ANKRD27: variants seen among roughly 807,000 people sequenced by gnomAD.
The protein encoded by ANKRD27 is ankyrin repeat domain-containing protein 27.
ANKRD27 carries 112 observed loss-of-function variants against 129.7 expected under a neutral mutation model. The ratio of observed to expected loss-of-function variants is 0.86; its 90% CI spans 0.74 to 1.01. The LOEUF is 1.01. Ranked by LOEUF, ANKRD27 falls within the 50% of genes least tolerant of loss-of-function variation. The pLI, the probability that ANKRD27 is intolerant of heterozygous loss-of-function variation, is 0.00. For missense variants in ANKRD27, 1,258 were observed against 1,300.5 expected, an observed-to-expected ratio of 0.97 and a Z score of 0.50; for synonymous variants, 516 against 511.2, an observed-to-expected ratio of 1.01 and a Z score of -0.13.
chr19:32,639,535 ACTTCTGC>A lies in ANKRD27; in HGVS notation c.984-54_984-48del, dbSNP rs1443000602. On this transcript the variant is annotated intron_variant, in intron 11 of 28. Coordinates refer to ENST00000306065, the MANE Select transcript of ANKRD27 (RefSeq NM_032139.3). Reference sequence around the variant, plus strand: ...TTATGTTGTTGTCTATCCAAGTCACACTTCTGCAAAAAAAATATCATTGGCTTGGGCA... The same window carrying A: ...TTATGTTGTTGTCTATCCAAGTCACAAAAAAAAATATCATTGGCTTGGGCA... 5.1e-6 allele frequency: 8 copies of A among 1,583,838 alleles called. No homozygotes were observed. The Admixed American group carries it at 8.9e-5, about 18-fold the overall frequency.
intron 1 of ANKRD27, among the ~76,000 whole-genome samples, chr19:32,666,890 G>A (rs1023011087): frequency 1.1e-4 from 17 of 151,808 alleles, no homozygotes; most frequent in African/African-American, 4.1e-4. Context: ...CAAGTGATCC[G>A]CCCACCTCGG....
intron 1 of ANKRD27, among the ~76,000 whole-genome samples, chr19:32,669,019 C>T (rs1967815506): frequency 2.6e-5 from 4 of 152,026 alleles, no homozygotes; most frequent in South Asian, 2.1e-4. Flanking sequence ...GCTATGTGGC[C>T]CAGGCTGGTC....
At chr19:32,610,386 G>A (rs1230678561) in intron 22 of ANKRD27, among the ~76,000 whole-genome samples, 1 of 151,796 alleles carries the variant, frequency 6.6e-6, no homozygotes, top group Non-Finnish European at 1.5e-5. Flanking sequence ...TTGGGAGGCT[G>A]AGGCAAAAGG....
chr19:32,626,053 G>A, intron 16 of ANKRD27, 87 bp from the exon 17 acceptor site: 1 of 1,005,050 alleles, frequency 9.9e-7, no homozygotes. Context: ...GAGGTCATTT[G>A]CTCCCATCTT....
chr19:32,647,528 C>T (rs1057344631), intron 3 of ANKRD27, among the ~76,000 whole-genome samples: 7 of 152,208 alleles, frequency 4.6e-5, no homozygotes, highest in Admixed American at 3.9e-4. Flanking sequence ...CAGGGAAGCC[C>T]GGCCACAGTG....
Position 32,639,359 on chromosome 19 carries a change from G to A in ANKRD27, c.1113C>T (p.Pro371=), listed in dbSNP as rs1196777772. 3.1e-6 allele frequency: 5 copies of A among 1,614,180 alleles called. No individual in the cohort carries two copies. Among genetic ancestry groups the A allele is most frequent in the Non-Finnish European group, 4.2e-6 (5 of 1,180,024 alleles). The change falls in exon 12 of 29, where the codon CCC becomes CCT. Residue 371 remains proline, a synonymous_variant. Coordinates refer to ENST00000306065, the MANE Select transcript of ANKRD27 (RefSeq NM_032139.3). ...YIRQGSLSAK[P]PESEGFGDRL... is the part of the protein sequence containing the mutation. Reference sequence around the variant, plus strand: ...CAGGGCAGGGGTGAGATCTTACAGGGGGTTTAGCAGAGAGGCTTCCTTGCC... The same window carrying A: ...CAGGGCAGGGGTGAGATCTTACAGGAGGTTTAGCAGAGAGGCTTCCTTGCC...
intron 1 of ANKRD27, among the ~76,000 whole-genome samples, chr19:32,660,859 T>C (rs259255): frequency 0.078 from 11,913 of 152,238 alleles, 517 homozygotes; most frequent in Middle Eastern, 0.16. Context: ...CGCTGGGTTG[T>C]TGGCCTTTTT....
intron 26 of ANKRD27, among the ~76,000 whole-genome samples, chr19:32,601,654 C>T (rs1274151958): frequency 5.9e-5 from 9 of 151,692 alleles, no homozygotes; most frequent in Non-Finnish European, 1.2e-4. Flanking sequence ...TAGCATTTAC[C>T]CTGGATGTCC....
At chr19:32,608,842 C>T (rs1202315578) in intron 22 of ANKRD27, among the ~76,000 whole-genome samples, 5 of 152,100 alleles carry the variant, frequency 3.3e-5, no homozygotes, top group African/African-American at 1.2e-4. Flanking sequence ...ATCCCAGCTA[C>T]ATTACAGGCA....
chr19:32,607,835 G>T lies in ANKRD27; in HGVS notation c.2176-3C>A. On this transcript the variant is annotated splice_polypyrimidine_tract_variant and splice_region_variant and intron_variant, in intron 22 of 28. Transcript: ENST00000306065. ...CTGGCAGGAACCTTCGCCAGCCTCT[G>T]GGAAGCGCAGAAGATGGAAACACAA... 6.2e-7 allele frequency: 1 copy of T among 1,601,158 alleles called. No individual in the cohort carries two copies. The highest frequency in any genetic ancestry group is 2.3e-5 in the East Asian group (1 of 44,234).
chr19:32,649,791 A>C lies in ANKRD27; in HGVS notation c.104T>G (p.Val35Gly). The change falls in exon 3 of 29, where the codon GTC becomes GGC. Residue 35 changes from valine (V) to glycine (G), a missense_variant and splice_region_variant. Physicochemically the swap from Val to Gly is moderately radical, Grantham distance 109. Transcript: ENST00000306065. ...CAGGCTTCCTTTGCAGGGTACTAAG[A>C]CCTGGAAAAAACAATTCGGGGCAAC... The part of the protein sequence containing the change: ...CSKVAQIHGI[V>G]LVPCKGSLSS... 1.2e-6 allele frequency: 2 copies of C among 1,608,960 alleles called. No homozygotes were observed. The highest frequency in any genetic ancestry group is 4.5e-5 in the East Asian group (2 of 44,852).
chr19:32,605,069 GA>G (rs1343436779), intron 24 of ANKRD27, among the ~76,000 whole-genome samples: 1 of 151,864 alleles, frequency 6.6e-6, no homozygotes, highest in Admixed American at 6.6e-5. Flanking sequence ...CTCCATCTCG[GA>G]AAAAGAGAAA....
chr19:32,650,824 A>G (rs1967403077), intron 2 of ANKRD27, among the ~76,000 whole-genome samples: 1 of 138,670 alleles, frequency 7.2e-6, no homozygotes, highest in South Asian at 2.2e-4. Flanking sequence ...ATCATAGCTC[A>G]CTGCACCCTC....
chr19:32,639,586 C>T, intron 11 of ANKRD27, 98 bp from the exon 12 acceptor site: 1 of 1,366,292 alleles, frequency 7.3e-7, no homozygotes, highest in Middle Eastern at 1.9e-4. Context: ...AATATCTAGT[C>T]AGTTGGTTCG....
Position 32,597,833 on chromosome 19 carries a change from C to A in ANKRD27, c.*312G>T, listed in dbSNP as rs1327713940. The A allele has an allele frequency of 7.6e-6, 3 of 394,244 alleles. No homozygotes were observed. The highest frequency in any genetic ancestry group is 3.8e-5 in the Admixed American group (1 of 26,110). The allele number at this position is 394,244 out of a possible 1,614,324, so 24.4% of individuals were successfully genotyped here. ...AGGAGGTCAGAATGCGGTGGTGAAA[C>A]CTCTCCCACTGTGACCAACAAACCC... On this transcript the variant is annotated 3_prime_UTR_variant, in exon 29 of 29. Transcript: ENST00000306065.
chr19:32,640,371 T>C lies in ANKRD27; in HGVS notation c.919A>G (p.Met307Val), dbSNP rs1350783426. Residue 307 changes from methionine to valine, a missense_variant, in exon 11 of 29, where the codon ATG becomes GTG. Coordinates refer to ENST00000306065, the MANE Select transcript of ANKRD27 (RefSeq NM_032139.3). ...ACTGATAGCAGATCATCAGCACACATGGTCTCCAGGTTCACTGCAAAGGGG... is the reference window on the plus strand; with the variant it reads ...ACTGATAGCAGATCATCAGCACACACGGTCTCCAGGTTCACTGCAAAGGGG... ...SPSQRVNLETMCADDLLSVLL... is the reference protein window; with the variant it reads ...SPSQRVNLETVCADDLLSVLL... The C allele has an allele frequency of 1.2e-6, 2 of 1,613,924 alleles. No individual in the cohort carries two copies. Among genetic ancestry groups the C allele is most frequent in the South Asian group, 1.1e-5 (1 of 91,084 alleles).
chr19:32,642,268 A>C (rs752489798), intron 9 of ANKRD27, 123 bp from the exon 10 acceptor site: 196 of 987,770 alleles, frequency 2.0e-4, no homozygotes, highest in Middle Eastern at 4.6e-4. Flanking sequence ...GAAACACAAA[A>C]ACAGATACTG....
chr19:32,616,240 C>T (rs893827811), intron 21 of ANKRD27, among the ~76,000 whole-genome samples: 3 of 152,094 alleles, frequency 2.0e-5, no homozygotes, highest in Non-Finnish European at 4.4e-5. Context: ...GTGAGCACCT[C>T]ACTCCCTCCT....
At chr19:32,663,541 TAGTA>T (rs1356817297) in intron 1 of ANKRD27, among the ~76,000 whole-genome samples, 4 of 152,196 alleles carry the variant, frequency 2.6e-5, no homozygotes, top group Non-Finnish European at 5.9e-5. Flanking sequence ...TTTCTCCATA[TAGTA>T]AGCCAATCGT....
Sources: allele counts gnomAD v4.1 joint callset (sites outside exome capture counted in the v4.1 genomes callset), GRCh38; gene constraint gnomAD v4.1.1; transcripts MANE v1.5; gene names NCBI Gene and HGNC (gene_info 2026-07-23, HGNC 2026-07-21).